STX8: variants seen among roughly 807,000 people sequenced by gnomAD.
The protein encoded by STX8 is syntaxin 8.
In STX8, 23 loss-of-function variants were observed where a neutral mutation model predicts 37.5. That is an observed-to-expected ratio of 0.61 (90% CI 0.44 to 0.87). The LOEUF is 0.87. Among genes scored for constraint, STX8 ranks in the 40% least tolerant of loss-of-function variants. The pLI is 0.00. For missense variants in STX8, 313 were observed against 284.7 expected (o/e 1.10, Z -0.71); for synonymous variants, 115 against 99.1 (o/e 1.16, Z -0.95).
intron 7 of STX8, among the ~76,000 whole-genome samples, chr17:9,330,110 G>A (rs1271942849): frequency 6.6e-6 from 1 of 152,162 alleles, no homozygotes; most frequent in Non-Finnish European, 1.5e-5. Flanking sequence ...AGAGAAACAG[G>A]AGGCAGAGTC....
chr17:9,498,538 A>C (rs1306706717), intron 5 of STX8, among the ~76,000 whole-genome samples: 1 of 152,216 alleles, frequency 6.6e-6, no homozygotes, highest in African/African-American at 2.4e-5. Flanking sequence ...TCTAGGTGAC[A>C]GCTACAAGAA....
intron 4 of STX8, among the ~76,000 whole-genome samples, chr17:9,518,594 C>A (rs553028442): frequency 6.6e-6 from 1 of 152,102 alleles, no homozygotes; most frequent in African/African-American, 2.4e-5. Flanking sequence ...AGCAGCCAGG[C>A]GTGGTGGCTC....
At chr17:9,418,778 G>C (rs1473686287) in intron 6 of STX8, among the ~76,000 whole-genome samples, 1 of 120,600 alleles carries the variant, frequency 8.3e-6, no homozygotes, top group Admixed American at 1.1e-4. Context: ...AGTGAGCTGA[G>C]ATCACGCCAC....
At chr17:9,488,427 C>T (rs937697255) in intron 6 of STX8, among the ~76,000 whole-genome samples, 100 of 151,972 alleles carry the variant, frequency 6.6e-4, no homozygotes, top group Admixed American at 6.4e-3. Context: ...AAATGGCAAA[C>T]GAGCCATTAA....
intron 6 of STX8, among the ~76,000 whole-genome samples, chr17:9,404,486 C>G (rs1210043095): frequency 6.6e-6 from 1 of 151,438 alleles, no homozygotes; most frequent in Admixed American, 6.6e-5. Context: ...GATGGAGTCT[C>G]GCTCTGTCAC....
intron 6 of STX8, among the ~76,000 whole-genome samples, chr17:9,472,872 G>A (rs913593939): frequency 3.3e-5 from 5 of 152,128 alleles, no homozygotes; most frequent in East Asian, 1.9e-4. Context: ...GCCTGGCTGC[G>A]TGGCCAGGGT....
chr17:9,349,252 A>T (rs192245037), intron 7 of STX8, among the ~76,000 whole-genome samples: 1 of 151,930 alleles, frequency 6.6e-6, no homozygotes, highest in African/African-American at 2.4e-5. Context: ...TCGGCCTGCT[A>T]AAGTGCTTAG....
intron 7 of STX8, among the ~76,000 whole-genome samples, chr17:9,330,903 A>G (rs1479306975): frequency 6.6e-6 from 1 of 152,182 alleles, no homozygotes; most frequent in African/African-American, 2.4e-5. Context: ...AACTTCAAAA[A>G]CAGCCTAGAC....
intron 7 of STX8, among the ~76,000 whole-genome samples, chr17:9,358,883 A>G (rs922101087): frequency 6.6e-6 from 1 of 152,182 alleles, no homozygotes; most frequent in African/African-American, 2.4e-5. Flanking sequence ...GGAGCACCCA[A>G]TACCCCAGGG....
At chr17:9,426,967 T>C (rs1171500663) in intron 6 of STX8, among the ~76,000 whole-genome samples, 1 of 152,146 alleles carries the variant, frequency 6.6e-6, no homozygotes, top group Non-Finnish European at 1.5e-5. Context: ...GATAGAAAGA[T>C]AGTCTGAAAT....
intron 6 of STX8, among the ~76,000 whole-genome samples, chr17:9,484,839 A>C (rs116300515): frequency 0.014 from 2,100 of 152,104 alleles, 44 homozygotes; most frequent in African/African-American, 0.047. Context: ...AAAAAGAGAA[A>C]GTGTCAGAGG....
intron 6 of STX8, among the ~76,000 whole-genome samples, chr17:9,434,622 G>C (rs1904359075): frequency 6.6e-6 from 1 of 152,178 alleles, no homozygotes; most frequent in Non-Finnish European, 1.5e-5. Context: ...ACTGATATAG[G>C]GCAGGCAGGC....
At chr17:9,357,502 C>G (rs2142254595) in intron 7 of STX8, among the ~76,000 whole-genome samples, 1 of 151,888 alleles carries the variant, frequency 6.6e-6, no homozygotes, top group South Asian at 2.1e-4. Flanking sequence ...AACAGCCTAG[C>G]CTGTGGTTTT....
intron 4 of STX8, among the ~76,000 whole-genome samples, chr17:9,531,049 T>C (rs1954709585): frequency 1.3e-5 from 2 of 152,386 alleles, no homozygotes; most frequent in Admixed American, 6.5e-5. Flanking sequence ...GTTGACATAA[T>C]GCCATTTATT....
At chr17:9,395,562 A>G (rs1278153348) in intron 6 of STX8, among the ~76,000 whole-genome samples, 1 of 152,202 alleles carries the variant, frequency 6.6e-6, no homozygotes, top group African/African-American at 2.4e-5. Flanking sequence ...TGGGAGACGG[A>G]GCAAGACTGT....
At chr17:9,483,755 C>T (rs1275490958) in intron 6 of STX8, among the ~76,000 whole-genome samples, 3 of 152,056 alleles carry the variant, frequency 2.0e-5, no homozygotes, top group African/African-American at 7.2e-5. Flanking sequence ...TCTACGAATA[C>T]AATTGGTTTT....
At chr17:9,559,889 G>C (rs1309579042) in intron 2 of STX8, among the ~76,000 whole-genome samples, 1 of 145,884 alleles carries the variant, frequency 6.9e-6, no homozygotes, top group Non-Finnish European at 1.5e-5. Flanking sequence ...AGCCTCCTGA[G>C]TAGCTGGGAC....
intron 4 of STX8, among the ~76,000 whole-genome samples, chr17:9,506,520 C>G (rs1293376915): frequency 6.7e-6 from 1 of 149,530 alleles, no homozygotes; most frequent in Non-Finnish European, 1.5e-5. Context: ...GTGGAGAGGC[C>G]CCTGTGGTGA....
chr17:9,392,459 T>C (rs1912255990), intron 6 of STX8, among the ~76,000 whole-genome samples: 1 of 151,964 alleles, frequency 6.6e-6, no homozygotes, highest in Non-Finnish European at 1.5e-5. Context: ...AATAAAAAAT[T>C]AGCTGGGCAT....
Sources: allele counts gnomAD v4.1 joint callset (sites outside exome capture counted in the v4.1 genomes callset), GRCh38; gene constraint gnomAD v4.1.1; transcripts MANE v1.5; gene names NCBI Gene and HGNC (gene_info 2026-07-23, HGNC 2026-07-21).